The following TRAPPC9 variants were observed in gnomAD, a reference collection of about 807,000 sequenced individuals.
TRAPPC9 encodes the protein IKK2 binding protein.
TRAPPC9 carries 83 observed loss-of-function variants against 124.0 expected under a neutral mutation model. The ratio of observed to expected loss-of-function variants is 0.67; its 90% CI spans 0.56 to 0.80. TRAPPC9 has a LOEUF of 0.80. TRAPPC9 is among the 30% of genes least tolerant of loss of function. The probability of loss-of-function intolerance (pLI) is 0.00; values close to 1 mark genes in which losing one functional copy is unlikely to be tolerated. For synonymous variants in TRAPPC9, 638 were observed against 617.5 expected, an observed-to-expected ratio of 1.03 and a Z score of -0.49; for missense variants, 1,302 against 1,508.3, an observed-to-expected ratio of 0.86 and a Z score of 2.27.
chr8:140,006,864 G>C (rs1838793086), intron 18 of TRAPPC9, among the ~76,000 whole-genome samples: 1 of 152,182 alleles, frequency 6.6e-6, no homozygotes, highest in Non-Finnish European at 1.5e-5. Context: ...GATGGGTACA[G>C]GGTTTCTTCT....
intron 21 of TRAPPC9, among the ~76,000 whole-genome samples, chr8:139,805,674 G>C (rs1229467376): frequency 1.3e-5 from 2 of 152,182 alleles, no homozygotes; most frequent in African/African-American, 2.4e-5. Context: ...GAGTCCACAA[G>C]AGGAGTTATA....
intron 6 of TRAPPC9, among the ~76,000 whole-genome samples, chr8:140,401,959 C>T (rs1281418004): frequency 1.3e-5 from 2 of 150,664 alleles, no homozygotes; most frequent in African/African-American, 4.9e-5. Context: ...TTCTTTCCTA[C>T]CATCCAAATT....
intron 20 of TRAPPC9, among the ~76,000 whole-genome samples, chr8:139,890,695 C>T (rs1238313973): frequency 6.6e-6 from 1 of 152,132 alleles, no homozygotes; most frequent in Non-Finnish European, 1.5e-5. Flanking sequence ...TAACCCAGCA[C>T]CTAGTTCAGG....
chr8:140,254,668 G>A (rs2064205401), intron 15 of TRAPPC9, among the ~76,000 whole-genome samples: 1 of 152,228 alleles, frequency 6.6e-6, no homozygotes. Flanking sequence ...TCCAGCCTAG[G>A]AGGCAGGAGC....
At chr8:140,080,962 T>C (rs1320533103) in intron 17 of TRAPPC9, among the ~76,000 whole-genome samples, 1 of 152,168 alleles carries the variant, frequency 6.6e-6, no homozygotes, top group Non-Finnish European at 1.5e-5. Context: ...GTGAGGAAGG[T>C]GTTGCCATAG....
intron 17 of TRAPPC9, chr8:140,098,662 G>A (rs1251534506): frequency 1.3e-5 from 2 of 151,372 alleles, no homozygotes; most frequent in African/African-American, 4.9e-5. Flanking sequence ...GCATCCCCGC[G>A]ATGCACAAAG....
At chr8:139,849,466 C>T (rs548511720) in intron 21 of TRAPPC9, among the ~76,000 whole-genome samples, 17 of 152,370 alleles carry the variant, frequency 1.1e-4, no homozygotes, top group Admixed American at 1.1e-3. Context: ...CCTTCTGGTT[C>T]TGCATTTTCA....
chr8:140,290,974 AATGATTGGTGATACATACCATG>A lies in TRAPPC9; in HGVS notation c.1851_1854+18del. 6.2e-7 allele frequency: 1 copy of A among 1,610,616 alleles called. No individual in the cohort carries two copies. Among genetic ancestry groups the A allele is most frequent in the Non-Finnish European group, 8.5e-7 (1 of 1,176,740 alleles). On this transcript the variant is annotated splice_donor_variant and splice_donor_5th_base_variant and coding_sequence_variant and intron_variant, in exon 12 of 23. Coordinates refer to ENST00000438773, the MANE Select transcript of TRAPPC9 (RefSeq NM_001160372.4). LOFTEE classifies it high-confidence loss of function. ...TTTGTATGTTAGCCCAAAAAGGTCA[AATGATTGGTGATACATACCATG>A]TTTTCAACTCGAAGTTCAAACGGCA...
intron 16 of TRAPPC9, among the ~76,000 whole-genome samples, chr8:140,232,573 A>T: frequency 6.6e-6 from 1 of 152,170 alleles, no homozygotes; most frequent in Non-Finnish European, 1.5e-5. Flanking sequence ...CTAGATATGG[A>T]GTCGAAGCCC....
chr8:139,847,339 G>A (rs1430472913), intron 21 of TRAPPC9, among the ~76,000 whole-genome samples: 1 of 152,236 alleles, frequency 6.6e-6, no homozygotes, highest in African/African-American at 2.4e-5. Flanking sequence ...TTCCATCCTG[G>A]CTGAGGGATG....
intron 21 of TRAPPC9, among the ~76,000 whole-genome samples, chr8:139,868,138 C>T (rs555812132): frequency 5.3e-4 from 80 of 152,220 alleles, no homozygotes; most frequent in African/African-American, 1.7e-3. Flanking sequence ...GCAGGTGGAT[C>T]GCCAGAGGTC....
intron 2 of TRAPPC9, among the ~76,000 whole-genome samples, chr8:140,445,422 G>GC (rs1028182119): frequency 6.6e-6 from 1 of 152,228 alleles, no homozygotes; most frequent in Non-Finnish European, 1.5e-5. Flanking sequence ...GGAGAGGACA[G>GC]CCCAGGACAA....
At chr8:140,207,382 T>C (rs1056289393) in intron 17 of TRAPPC9, among the ~76,000 whole-genome samples, 1 of 152,234 alleles carries the variant, frequency 6.6e-6, no homozygotes, top group Non-Finnish European at 1.5e-5. Flanking sequence ...CTGCTTTGGA[T>C]TTTTTAGAAA....
intron 17 of TRAPPC9, among the ~76,000 whole-genome samples, chr8:140,078,996 C>A (rs115824871): frequency 0.013 from 1,983 of 152,202 alleles, 35 homozygotes; most frequent in African/African-American, 0.035. Flanking sequence ...GGAATTATGT[C>A]ATGGGAGGGA....
intron 21 of TRAPPC9, among the ~76,000 whole-genome samples, chr8:139,841,035 T>A (rs1293450363): frequency 3.3e-5 from 5 of 152,212 alleles, no homozygotes; most frequent in African/African-American, 4.8e-5. Flanking sequence ...GCTAGAAGTA[T>A]GAAAGCGGCC....
chr8:140,387,693 C>T (rs199791543), intron 7 of TRAPPC9, among the ~76,000 whole-genome samples: 1 of 152,156 alleles, frequency 6.6e-6, no homozygotes. Flanking sequence ...TCACACCATT[C>T]AGAATGGTGA....
chr8:140,295,512 A>G (rs913595270), intron 11 of TRAPPC9, among the ~76,000 whole-genome samples: 1 of 152,188 alleles, frequency 6.6e-6, no homozygotes, highest in African/African-American at 2.4e-5. Flanking sequence ...TGGCAGCACC[A>G]CAAAGACCTA....
intron 18 of TRAPPC9, among the ~76,000 whole-genome samples, chr8:140,020,471 T>TA (rs1482589758): frequency 6.6e-6 from 1 of 152,106 alleles, no homozygotes; most frequent in Non-Finnish European, 1.5e-5. Flanking sequence ...ACCAAAAGTT[T>TA]AAAAAATAAA....
At position 139,996,158 on chromosome 8, in the gene TRAPPC9, C is replaced by CAAAAAAAAAAAAAAAAAAAA; in HGVS notation, c.2700-7342_2700-7323dup. ...AAAAAAAGAACCAGAAAAACTTAAG[C>CAAAAAAAAAAAAAAAAAAAA]AAAAAAAAAAAAAAAAAAAAAAAAG... On this transcript the variant is annotated intron_variant, in intron 18 of 22. Coordinates refer to ENST00000438773, the MANE Select transcript of TRAPPC9 (RefSeq NM_001160372.4). Among the ~76,000 whole-genome samples, 7 of 19,422 alleles carry CAAAAAAAAAAAAAAAAAAAA rather than the reference C, an allele frequency of 3.6e-4. 1 individual carries two copies. The highest frequency in any genetic ancestry group is 2.4e-3 in the East Asian group (1 of 412). 12.7% of individuals were successfully genotyped at this position (19,422 alleles called of 152,430 possible).
Sources: allele counts gnomAD v4.1 joint callset (sites outside exome capture counted in the v4.1 genomes callset), GRCh38; gene constraint gnomAD v4.1.1; transcripts MANE v1.5; gene names NCBI Gene and HGNC (gene_info 2026-07-23, HGNC 2026-07-21).